Variants in ITSN1 observed in about 807,000 individuals in gnomAD.
ITSN1 encodes intersectin 1.
In ITSN1, 58 loss-of-function variants were observed where a neutral mutation model predicts 239.8. The observed-to-expected ratio is 0.24, with a 90% confidence interval of 0.20 to 0.30. ITSN1 has a LOEUF of 0.30. ITSN1 is among the 10% of genes least tolerant of loss of function. The probability of loss-of-function intolerance (pLI) is 1.00; values close to 1 mark genes in which losing one functional copy is unlikely to be tolerated. For synonymous variants in ITSN1, 780 were observed against 770.8 expected, an observed-to-expected ratio of 1.01 and a Z score of -0.20; for missense variants, 1,558 against 2,103.3, an observed-to-expected ratio of 0.74 and a Z score of 5.07.
rs562933136 is a variant in ITSN1, at chr21:33,794,927, C to T, written c.1952+459C>T. Among the ~76,000 whole-genome samples the T allele has an allele frequency of 6.6e-5, 10 of 152,196 alleles. No individual in the cohort carries two copies. The East Asian group carries it at 9.7e-4, about 15-fold the overall frequency. On this transcript the variant is annotated intron_variant, in intron 17 of 39. Transcript: ENST00000381318. ...AGTACAAAAGGGGGAAATTTGCCAC[C>T]GCTGCTTAGTGTGTAGGATACAGAC...
Position 33,877,896 on chromosome 21 carries a change from AT to A in ITSN1, c.4341+2380del, listed in dbSNP as rs1984222793. ...TTGGAGTTAAAAAGTGGATTTTTGC[AT>A]TTTTCTGTTTTTTTAAAGTTTTTGT... On this transcript the variant is annotated intron_variant, in intron 34 of 39. Coordinates refer to ENST00000381318, the MANE Select transcript of ITSN1 (RefSeq NM_003024.3). Among the ~76,000 whole-genome samples, 3 of 131,296 alleles carry A rather than the reference AT, an allele frequency of 2.3e-5. No individual in the cohort carries two copies. The South Asian group carries it at 7.2e-4, about 32-fold the overall frequency. The allele number at this position is 131,296 out of a possible 152,430, so 86.1% of individuals were successfully genotyped here. A position where few individuals can be genotyped will look rare whatever the true frequency, so the allele number is the denominator to read the frequency against.
chr21:33,866,172 C>T (rs933279759), intron 32 of ITSN1, among the ~76,000 whole-genome samples: 3 of 152,194 alleles, frequency 2.0e-5, no homozygotes, highest in East Asian at 1.9e-4. Flanking sequence ...GAGGCACAAG[C>T]GCAGCCTCTT....
Position 33,799,887 on chromosome 21 carries a change from A to G in ITSN1, c.2262A>G (p.Arg754=). Reference sequence around the variant, plus strand: ...GGGCACTGTACCCCTTTGAATCCAGAAGCCATGATGAAATCACTATCCAGC... The same window carrying G: ...GGGCACTGTACCCCTTTGAATCCAGGAGCCATGATGAAATCACTATCCAGC... ...YYRALYPFES[R]SHDEITIQPG... is the part of the protein sequence containing the mutation. The change falls in exon 19 of 40, where the codon AGA becomes AGG. Residue 754 remains arginine, a synonymous_variant. Transcript: ENST00000381318. The G allele has an allele frequency of 6.2e-7, 1 of 1,614,068 alleles. No individual in the cohort carries two copies. The highest frequency in any genetic ancestry group is 1.1e-5 in the South Asian group (1 of 91,074).
chr21:33,747,709 C>T (rs1377312831), intron 5 of ITSN1, among the ~76,000 whole-genome samples: 1 of 152,138 alleles, frequency 6.6e-6, no homozygotes, highest in African/African-American at 2.4e-5. Flanking sequence ...AAAAATTCAA[C>T]CCAAAATTCT....
intron 5 of ITSN1, among the ~76,000 whole-genome samples, chr21:33,738,231 C>T (rs561002829): frequency 7.9e-5 from 12 of 152,116 alleles, no homozygotes; most frequent in African/African-American, 2.9e-4. Context: ...TTTCCTTGCC[C>T]TTATATATAG....
intron 10 of ITSN1, among the ~76,000 whole-genome samples, chr21:33,767,083 G>A (rs1306723389): frequency 1.3e-5 from 2 of 152,114 alleles, no homozygotes; most frequent in Admixed American, 6.6e-5. Flanking sequence ...CAGGAGAATC[G>A]CTTGAGCCCA....
chr21:33,691,669 A>G (rs1385865986), intron 1 of ITSN1, among the ~76,000 whole-genome samples: 1 of 152,186 alleles, frequency 6.6e-6, no homozygotes, highest in Non-Finnish European at 1.5e-5. Flanking sequence ...ATCGAAATTT[A>G]TTTCTTATAG....
At position 33,799,937 on chromosome 21, in the gene ITSN1, A is replaced by G; in HGVS notation, c.2304+8A>G. On this transcript the variant is annotated splice_region_variant and intron_variant, in intron 19 of 39. Coordinates refer to ENST00000381318, the MANE Select transcript of ITSN1 (RefSeq NM_003024.3). The stretch of plus-strand genomic sequence containing the variant: ...CCAGGAGACATAGTCATGGTAAGAA[A>G]GACTCCAGTGAGAGGGTCATTTCTG... The G allele has an allele frequency of 6.2e-7, 1 of 1,612,678 alleles. No individual in the cohort carries two copies. Among genetic ancestry groups the G allele is most frequent in the East Asian group, 2.2e-5 (1 of 44,834 alleles).
chr21:33,869,496 G>T (rs925301962), intron 33 of ITSN1, among the ~76,000 whole-genome samples: 3 of 152,234 alleles, frequency 2.0e-5, no homozygotes, highest in Non-Finnish European at 4.4e-5. Context: ...TGAGATTTGG[G>T]TGGAGGCGCA....
At chr21:33,698,437 T>C (rs143245300) in intron 1 of ITSN1, among the ~76,000 whole-genome samples, 100 of 152,382 alleles carry the variant, frequency 6.6e-4, no homozygotes, top group African/African-American at 2.2e-3. Context: ...TTGTCAGATA[T>C]AATGTGGACA....
In ITSN1 at chr21:33,775,022, A is replaced by G. The variant is rs751883177; in HGVS notation, c.1510A>G (p.Thr504Ala). ...ACTTCAAGATATCAGATGTCGATTG[A>G]CCACCCAAAGGCAAGAAATTGAGAG... ...GKLQDIRCRL[T>A]TQRQEIESTN... is the part of the protein sequence containing the mutation. Residue 504 changes from threonine (T) to alanine (A), a missense_variant, in exon 14 of 40, where the codon ACC (threonine) becomes GCC (alanine). Physicochemically the swap from Thr to Ala is moderately conservative, Grantham distance 58 (BLOSUM62 0). Around this residue, in one of 2 missense-constraint regions of ITSN1, gnomAD observed 982 missense variants for 1,209.9 expected, o/e 0.81. Coordinates refer to ENST00000381318, the MANE Select transcript of ITSN1 (RefSeq NM_003024.3). 1.9e-6 allele frequency: 3 copies of G among 1,613,920 alleles called. No individual in the cohort carries two copies. The African/African-American group carries it at 4.0e-5, about 22-fold the overall frequency.
In ITSN1 at chr21:33,886,013, C is replaced by A. The variant is rs543979829; in HGVS notation, c.4844-274C>A. ...CCTGAGGTCAGGAGTTTGAGACCAG[C>A]CTGGCCAACATGGTGAAAGCCCGTC... On this transcript the variant is annotated intron_variant, in intron 38 of 39. Coordinates refer to ENST00000381318, the MANE Select transcript of ITSN1 (RefSeq NM_003024.3). Among the ~76,000 whole-genome samples the A allele has an allele frequency of 4.6e-5, 7 of 152,060 alleles. No homozygotes were observed. In the South Asian group the frequency reaches 1.5e-3, roughly 32 times the overall value.
intron 29 of ITSN1, among the ~76,000 whole-genome samples, chr21:33,850,574 C>T (rs2075128627): frequency 1.3e-5 from 2 of 152,202 alleles, no homozygotes; most frequent in Non-Finnish European, 2.9e-5. Flanking sequence ...CAGCAGGCTC[C>T]CAAAGGACAA....
intron 1 of ITSN1, among the ~76,000 whole-genome samples, chr21:33,665,503 T>C (rs1300264992): frequency 6.6e-6 from 1 of 152,134 alleles, no homozygotes; most frequent in Non-Finnish European, 1.5e-5. Context: ...TTGGTAAGGA[T>C]GTGAAGAAAC....
At chr21:33,705,942 G>A (rs2092235210) in intron 1 of ITSN1, among the ~76,000 whole-genome samples, 2 of 152,052 alleles carry the variant, frequency 1.3e-5, no homozygotes, top group African/African-American at 2.4e-5. Flanking sequence ...TCATATTGGA[G>A]CCCTTTATAA....
chr21:33,725,784 G>A (rs1047008061), intron 4 of ITSN1, among the ~76,000 whole-genome samples: 9 of 152,120 alleles, frequency 5.9e-5, no homozygotes, highest in Admixed American at 1.3e-4. Context: ...TATCAAAAAT[G>A]TCTGTAACTC....
chr21:33,851,379 C>T (rs1036180692), intron 29 of ITSN1, among the ~76,000 whole-genome samples: 7 of 151,980 alleles, frequency 4.6e-5, no homozygotes, highest in Admixed American at 2.6e-4. Context: ...GCACAGCACA[C>T]GGGCTCTTTT....
intron 17 of ITSN1, among the ~76,000 whole-genome samples, chr21:33,795,233 G>A (rs758395851): frequency 6.6e-6 from 1 of 152,122 alleles, no homozygotes; most frequent in Non-Finnish European, 1.5e-5. Flanking sequence ...GGCGGATCAC[G>A]AGGTCAAGAT....
intron 6 of ITSN1, among the ~76,000 whole-genome samples, chr21:33,751,315 C>G (rs117060998): frequency 6.6e-6 from 1 of 152,144 alleles, no homozygotes; most frequent in South Asian, 2.1e-4. Context: ...GTGGCTAAGA[C>G]GCAGTGTTTT....
Sources: allele counts gnomAD v4.1 joint callset (sites outside exome capture counted in the v4.1 genomes callset), GRCh38; gene constraint gnomAD v4.1.1; regional missense constraint gnomAD v4.1.1; transcripts MANE v1.5; gene names NCBI Gene and HGNC (gene_info 2026-07-23, HGNC 2026-07-21).